The following NCOR2 variants were observed in gnomAD, a reference collection of about 807,000 sequenced individuals.
The protein encoded by NCOR2 is nuclear receptor corepressor 2.
NCOR2 carries 81 observed loss-of-function variants against 262.9 expected under a neutral mutation model. The observed-to-expected ratio is 0.31, with a 90% CI of 0.26 to 0.37. The LOEUF (loss-of-function observed/expected upper bound fraction) is 0.37. Ranked by LOEUF, NCOR2 falls within the 10% of genes least tolerant of loss-of-function variation. NCOR2 has a pLI of 1.00. For synonymous variants in NCOR2, 1,659 were observed against 1,559.3 expected, an observed-to-expected ratio of 1.06 and a Z score of -1.51; for missense variants, 3,385 against 3,621.4, an observed-to-expected ratio of 0.93 and a Z score of 1.68.
intron 1 of NCOR2, among the ~76,000 whole-genome samples, chr12:124,491,051 A>G (rs924669385): frequency 6.6e-6 from 1 of 152,238 alleles, no homozygotes; most frequent in East Asian, 1.9e-4. Flanking sequence ...AGCAGCGTCC[A>G]GTGTCACAGG....
intron 1 of NCOR2, among the ~76,000 whole-genome samples, chr12:124,521,607 G>C (rs956416229): frequency 6.6e-6 from 1 of 152,160 alleles, no homozygotes. Context: ...TGCGGGAGGC[G>C]GCAACGTGAA....
intron 1 of NCOR2, among the ~76,000 whole-genome samples, chr12:124,486,822 C>A (rs1308727652): frequency 6.6e-6 from 1 of 152,178 alleles, no homozygotes; most frequent in Admixed American, 6.5e-5. Context: ...CCCAGGGACC[C>A]ACGATCACGC....
upstream of NCOR2, chr12:124,567,534 G>C (rs2052288866): frequency 6.8e-6 from 1 of 146,434 alleles, no homozygotes; most frequent in African/African-American, 2.4e-5. Flanking sequence ...CTCGGGCGGG[G>C]CGCCGGCGGA....
chr12:124,428,098 A>T (rs2043694827), intron 10 of NCOR2, among the ~76,000 whole-genome samples: 1 of 34,828 alleles, frequency 2.9e-5, no homozygotes, highest in Admixed American at 3.7e-4. Context: ...TACATGCAAC[A>T]ATCAGCCCAG....
chr12:124,416,308 G>C (rs2042855731), intron 13 of NCOR2, among the ~76,000 whole-genome samples: 1 of 152,122 alleles, frequency 6.6e-6, no homozygotes, highest in African/African-American at 2.4e-5. Flanking sequence ...GTTCCTTTAA[G>C]GCCCTGGGAG....
exon 47 of NCOR2, chr12:124,325,425 C>T (rs1216174003): frequency 6.4e-6 from 5 of 787,298 alleles, no homozygotes; most frequent in East Asian, 7.6e-5. Context: ...GAGAGTGTCT[C>T]GTACTGCGAG....
rs775264518 is a variant in NCOR2 at position 124,481,125 on chromosome 12, G to C, written c.411+2471C>G. Reference sequence around the variant, plus strand: ...GGGTGAAGGGGAGTGAGCAGGACAGGGGGGCTGTTTGGGTGGAAAGAAAGA... The same window carrying C: ...GGGTGAAGGGGAGTGAGCAGGACAGCGGGGCTGTTTGGGTGGAAAGAAAGA... On this transcript the variant is annotated intron_variant, in intron 3 of 46. Transcript: ENST00000405201. This position sits in a 1 kb window ranked among gnomAD's most constrained non-coding sequence, Gnocchi z 4.6. Among the ~76,000 whole-genome samples the C allele has an allele frequency of 2.6e-4, 40 of 151,782 alleles. No homozygotes were observed. The highest frequency in any genetic ancestry group is 4.9e-4 in the Non-Finnish European group (33 of 67,928).
chr12:124,448,317 G>A (rs565728253), intron 7 of NCOR2, among the ~76,000 whole-genome samples: 5 of 152,238 alleles, frequency 3.3e-5, no homozygotes, highest in Non-Finnish European at 7.3e-5. Context: ...GCAGGTCCCA[G>A]GAAGCTGCAG....
rs2047488470 is a variant in NCOR2, at chr12:124,481,538, TG to T, written c.411+2057del. Among the ~76,000 whole-genome samples, 1 of 152,040 alleles carries T rather than the reference TG, an allele frequency of 6.6e-6. No individual in the cohort carries two copies. The highest frequency in any genetic ancestry group is 1.5e-5 in the Non-Finnish European group (1 of 67,976). On this transcript the variant is annotated intron_variant, in intron 3 of 46. Coordinates refer to ENST00000405201, the Ensembl canonical transcript of NCOR2. This position sits in a 1 kb window ranked among gnomAD's most constrained non-coding sequence, Gnocchi z 4.6. The stretch of plus-strand genomic sequence containing the variant: ...AGGAGCGAGGAAAGAGGAATGTGCC[TG>T]GGGGAGGGCGCTCCTGCGGAGGGCA...
At chr12:124,460,125 G>A (rs529378912) in intron 5 of NCOR2, among the ~76,000 whole-genome samples, 2 of 152,334 alleles carry the variant, frequency 1.3e-5, no homozygotes, top group South Asian at 4.1e-4. Flanking sequence ...TCAGGGATAA[G>A]GGTCTGCGTC....
intron 28 of NCOR2, 68 bp downstream of exon 30, chr12:124,350,519 G>A (rs1037748567): frequency 1.3e-6 from 2 of 1,557,822 alleles, no homozygotes; most frequent in African/African-American, 2.7e-5. Flanking sequence ...GCCTCCCTGT[G>A]AAGCTACCTC....
exon 20 of NCOR2, chr12:124,372,336 G>C: frequency 1.3e-6 from 2 of 1,520,306 alleles, no homozygotes; most frequent in Non-Finnish European, 1.8e-6. Flanking sequence ...GCGCTGCTGC[G>C]GTCTCCTCCT....
intron 6 of NCOR2, among the ~76,000 whole-genome samples, chr12:124,450,475 T>A (rs2045450726): frequency 6.6e-6 from 1 of 152,164 alleles, no homozygotes; most frequent in African/African-American, 2.4e-5. Context: ...AGTTGCCTAC[T>A]GTGCTCCACC....
chr12:124,473,194 C>G, intron 3 of NCOR2, 63 bp from the exon 6 acceptor site: 1 of 1,578,284 alleles, frequency 6.3e-7, no homozygotes, highest in Non-Finnish European at 8.7e-7. Flanking sequence ...CTGTACAACC[C>G]TGTGATGGTT....
chr12:124,474,695 C>A (rs139516614), intron 3 of NCOR2, among the ~76,000 whole-genome samples: 2 of 152,178 alleles, frequency 1.3e-5, no homozygotes, highest in African/African-American at 4.8e-5. Context: ...GGCACCTCCC[C>A]GGTCCTTGTG....
At chr12:124,540,116 A>G (rs2051245081), upstream of NCOR2, among the ~76,000 whole-genome samples, 1 of 151,054 alleles carries the variant, frequency 6.6e-6, no homozygotes, top group South Asian at 2.1e-4. Context: ...TCACACACAC[A>G]CACACCCAAA....
chr12:124,395,837 T>G (rs2136172948), intron 16 of NCOR2, among the ~76,000 whole-genome samples: 1 of 152,188 alleles, frequency 6.6e-6, no homozygotes, highest in African/African-American at 2.4e-5. Context: ...CTGGGAAATC[T>G]CCCAGCCAAC....
At chr12:124,393,861 C>T (rs146680525) in intron 16 of NCOR2, among the ~76,000 whole-genome samples, 71 of 152,382 alleles carry the variant, frequency 4.7e-4, no homozygotes, top group Admixed American at 2.4e-3. Context: ...GTGCCCAGCA[C>T]GCAGGATGGG....
intron 18 of NCOR2, among the ~76,000 whole-genome samples, chr12:124,374,809 AGGATGCC>A (rs1224862430): frequency 2.6e-5 from 4 of 152,324 alleles, no homozygotes; most frequent in South Asian, 4.1e-4. Flanking sequence ...CCAGGCTCCC[AGGATGCC>A]TGGAGTGGGA....
Sources: allele counts gnomAD v4.1 joint callset (sites outside exome capture counted in the v4.1 genomes callset), GRCh38; gene constraint gnomAD v4.1.1; non-coding constraint Gnocchi (gnomAD v3.1); transcripts MANE v1.5; gene names NCBI Gene and HGNC (gene_info 2026-07-23, HGNC 2026-07-21).